The following TMED3 variants were observed in gnomAD, a reference collection of about 807,000 sequenced individuals.
TMED3 encodes the protein transmembrane emp24 domain-containing protein 3.
In TMED3, 9 loss-of-function variants were observed where a neutral mutation model predicts 15.0. The observed-to-expected ratio is 0.60, with a 90% CI of 0.36 to 1.04. TMED3 has a LOEUF of 1.04. TMED3 is among the 50% of genes least tolerant of loss of function. The pLI is 0.01. For missense variants in TMED3, 267 were observed against 278.9 expected, an observed-to-expected ratio of 0.96 and a Z score of 0.30; for synonymous variants, 117 against 121.4, an observed-to-expected ratio of 0.96 and a Z score of 0.24.
chr15:79,380,909 A>G (rs571795718), intron 2 of TMED3, among the ~76,000 whole-genome samples: 1 of 152,240 alleles, frequency 6.6e-6, no homozygotes, highest in African/African-American at 2.4e-5. Flanking sequence ...TGTCCCTTTG[A>G]CATCCTGCAG....
intron 2 of TMED3, among the ~76,000 whole-genome samples, chr15:79,381,005 T>G (rs1268802188): frequency 6.6e-6 from 1 of 152,132 alleles, no homozygotes; most frequent in Non-Finnish European, 1.5e-5. Flanking sequence ...AAATGCCATT[T>G]TAAAGAGAAG....
intron 2 of TMED3, among the ~76,000 whole-genome samples, chr15:79,335,081 C>T (rs2058822513): frequency 6.6e-6 from 1 of 152,154 alleles, no homozygotes; most frequent in African/African-American, 2.4e-5. Context: ...GAGAGCCAGA[C>T]AGCTTTGTAC....
At chr15:79,355,112 T>C (rs533951611) in intron 2 of TMED3, among the ~76,000 whole-genome samples, 1 of 152,176 alleles carries the variant, frequency 6.6e-6, no homozygotes, top group South Asian at 2.1e-4. Flanking sequence ...AATATCCCAT[T>C]ATTGAGAACC....
At chr15:79,356,100 A>T (rs1214369181) in intron 2 of TMED3, among the ~76,000 whole-genome samples, 1 of 152,134 alleles carries the variant, frequency 6.6e-6, no homozygotes, top group Non-Finnish European at 1.5e-5. Flanking sequence ...CTCCCAGCAC[A>T]TGTCCTGGGT....
chr15:79,381,752 A>G (rs1013596309), intron 2 of TMED3, among the ~76,000 whole-genome samples: 8 of 152,128 alleles, frequency 5.3e-5, no homozygotes, highest in African/African-American at 1.9e-4. Context: ...TGATTCTTTC[A>G]CTGGTTTAAA....
chr15:79,355,047 G>T (rs2058913311), intron 2 of TMED3, among the ~76,000 whole-genome samples: 1 of 152,210 alleles, frequency 6.6e-6, no homozygotes, highest in East Asian at 1.9e-4. Context: ...CTGCCACTGG[G>T]TTTACATACC....
chr15:79,322,555 G>T lies in TMED3; in HGVS notation c.*341G>T. 1 of 1,111,138 alleles carries T rather than the reference G, an allele frequency of 9.0e-7. No individual in the cohort carries two copies. The highest frequency in any genetic ancestry group is 1.1e-6 in the Non-Finnish European group (1 of 909,768). 68.8% of individuals were successfully genotyped at this position (1,111,138 alleles called of 1,614,324 possible). On this transcript the variant is annotated 3_prime_UTR_variant, in exon 3 of 3. Transcript: ENST00000299705. ...TGCCCAGGCCTCTTGGGCAGCTTAG[G>T]GCCCTGCCTCTGTTTCATGATGCAT... is the stretch of plus-strand genomic sequence containing the variant.
chr15:79,400,516 A>G (rs1269187436), intron 2 of TMED3, among the ~76,000 whole-genome samples: 1 of 152,212 alleles, frequency 6.6e-6, no homozygotes, highest in Non-Finnish European at 1.5e-5. Flanking sequence ...TGATTAAATG[A>G]ACAATGCGAA....
At chr15:79,382,120 G>A (rs768280831) in intron 2 of TMED3, among the ~76,000 whole-genome samples, 7 of 152,170 alleles carry the variant, frequency 4.6e-5, no homozygotes, top group South Asian at 2.1e-4. Context: ...GTGCTCTGCA[G>A]CTATGGACAT....
At chr15:79,394,164 G>T (rs917667371) in intron 2 of TMED3, among the ~76,000 whole-genome samples, 4 of 152,134 alleles carry the variant, frequency 2.6e-5, no homozygotes, top group African/African-American at 9.7e-5. Context: ...GTGGACTAGT[G>T]CACATTTAGG....
intron 2 of TMED3, among the ~76,000 whole-genome samples, chr15:79,334,543 G>A (rs2058820684): frequency 6.6e-6 from 1 of 152,132 alleles, no homozygotes; most frequent in African/African-American, 2.4e-5. Context: ...CCAAATCTCA[G>A]GAGAACTGAT....
chr15:79,328,665 C>G (rs1349425683), intron 2 of TMED3, among the ~76,000 whole-genome samples: 2 of 152,138 alleles, frequency 1.3e-5, no homozygotes, highest in Non-Finnish European at 2.9e-5. Flanking sequence ...AGGTAGTGAC[C>G]TGGCAAGGTG....
intron 2 of TMED3, among the ~76,000 whole-genome samples, chr15:79,398,729 G>A (rs543534161): frequency 6.6e-6 from 1 of 152,210 alleles, no homozygotes; most frequent in East Asian, 1.9e-4. Context: ...GTCTCTTCCA[G>A]AAATGCCCTC....
chr15:79,373,462 A>C (rs1893376482), intron 2 of TMED3, among the ~76,000 whole-genome samples: 1 of 152,210 alleles, frequency 6.6e-6, no homozygotes, highest in Non-Finnish European at 1.5e-5. Flanking sequence ...TTTATCATCT[A>C]TCCCTTTCAT....
At chr15:79,364,462 C>T (rs948508731) in intron 2 of TMED3, among the ~76,000 whole-genome samples, 13 of 151,878 alleles carry the variant, frequency 8.6e-5, no homozygotes, top group African/African-American at 2.7e-4. Context: ...TAGAAGAGGT[C>T]GGTTCCCCAG....
downstream of TMED3, among the ~76,000 whole-genome samples, chr15:79,325,660 A>G (rs2058784603): frequency 6.6e-6 from 1 of 152,192 alleles, no homozygotes; most frequent in African/African-American, 2.4e-5. Context: ...GGAAGCCAGT[A>G]GAGGCTCAGT....
At chr15:79,333,295 G>C (rs192799811) in intron 2 of TMED3, among the ~76,000 whole-genome samples, 4 of 152,332 alleles carry the variant, frequency 2.6e-5, no homozygotes, top group African/African-American at 9.6e-5. Context: ...AGGATATGGA[G>C]CAAGTTTGGG....
intron 2 of TMED3, among the ~76,000 whole-genome samples, chr15:79,367,124 G>A (rs1215513482): frequency 6.6e-6 from 1 of 152,172 alleles, no homozygotes; most frequent in Admixed American, 6.5e-5. Context: ...CTTTCCGGGT[G>A]AAGGATTTAG....
At chr15:79,405,981 GTTTA>G (rs1223986444) in intron 2 of TMED3, among the ~76,000 whole-genome samples, 1 of 152,178 alleles carries the variant, frequency 6.6e-6, no homozygotes, top group Non-Finnish European at 1.5e-5. Flanking sequence ...CTGAGGCTGT[GTTTA>G]TTTCTTTCAG....
Sources: gnomAD v4.1 joint callset for allele counts (sites outside exome capture counted in the v4.1 genomes callset) on GRCh38, gnomAD v4.1.1 for gene constraint, MANE v1.5 for transcripts, NCBI Gene and HGNC (gene_info 2026-07-23, HGNC 2026-07-21) for gene names.